STXBP5: variants seen among roughly 807,000 people sequenced by gnomAD.
STXBP5 encodes syntaxin binding protein 5.
A neutral mutation model predicts 152.4 loss-of-function variants in STXBP5; 50 were observed. The observed-to-expected ratio is 0.33, with a 90% CI of 0.26 to 0.42. The LOEUF is 0.42. STXBP5 is among the 10% of genes least tolerant of loss of function. STXBP5 has a pLI of 1.00. For missense variants in STXBP5, 1,167 were observed against 1,388.6 expected, an observed-to-expected ratio of 0.84 and a Z score of 2.54; for synonymous variants, 492 against 494.7, an observed-to-expected ratio of 0.99 and a Z score of 0.07.
intron 19 of STXBP5, among the ~76,000 whole-genome samples, chr6:147,337,209 ACACAC>A (rs1390860921): frequency 6.8e-6 from 1 of 146,934 alleles, no homozygotes; most frequent in Non-Finnish European, 1.5e-5. Context: ...ACACACACAC[ACACAC>A]AAGAAGTCAT....
intron 21 of STXBP5, among the ~76,000 whole-genome samples, chr6:147,347,254 C>G (rs1784381415): frequency 6.6e-6 from 1 of 152,058 alleles, no homozygotes; most frequent in South Asian, 2.1e-4. Context: ...AAGTAGATAT[C>G]AATGAAATAA....
chr6:147,252,829 C>T (rs1445168886), intron 4 of STXBP5, among the ~76,000 whole-genome samples: 3 of 152,122 alleles, frequency 2.0e-5, no homozygotes, highest in Non-Finnish European at 4.4e-5. Context: ...AGCCTACCAA[C>T]CAAAGAAAGC....
intron 4 of STXBP5, among the ~76,000 whole-genome samples, chr6:147,254,885 C>G (rs1353870228): frequency 1.3e-5 from 2 of 152,178 alleles, no homozygotes; most frequent in Non-Finnish European, 2.9e-5. Flanking sequence ...TAAATTAGTT[C>G]AACCATTGTG....
intron 2 of STXBP5, among the ~76,000 whole-genome samples, chr6:147,220,714 C>A (rs969140723): frequency 2.6e-5 from 4 of 152,062 alleles, no homozygotes; most frequent in African/African-American, 9.7e-5. Context: ...GAAAGCATGG[C>A]ATATCTTTCT....
chr6:147,323,552 C>T (rs1346457883), intron 16 of STXBP5, among the ~76,000 whole-genome samples: 3 of 151,936 alleles, frequency 2.0e-5, no homozygotes, highest in Non-Finnish European at 4.4e-5. Context: ...CCACCACACC[C>T]GGGTAATTTT....
intron 18 of STXBP5, among the ~76,000 whole-genome samples, chr6:147,329,646 G>C (rs1162459913): frequency 1.5e-3 from 8 of 5,212 alleles, no homozygotes; most frequent in Admixed American, 0.011. Flanking sequence ...TTTTTTTTGA[G>C]ACGGAGTCTC....
At chr6:147,337,140 T>G (rs75251787) in intron 19 of STXBP5, among the ~76,000 whole-genome samples, 6 of 151,428 alleles carry the variant, frequency 4.0e-5, no homozygotes, top group African/African-American at 1.5e-4. Flanking sequence ...TTTAGTATTA[T>G]TGGAATTTTT....
chr6:147,277,717 T>TA (rs1414477028), intron 7 of STXBP5, among the ~76,000 whole-genome samples: 2 of 152,086 alleles, frequency 1.3e-5, no homozygotes, highest in Non-Finnish European at 2.9e-5. Context: ...TCATTGCAAC[T>TA]AGTTTTTCTA....
chr6:147,289,515 T>C (rs1400182766), intron 8 of STXBP5, among the ~76,000 whole-genome samples: 1 of 152,202 alleles, frequency 6.6e-6, no homozygotes, highest in Non-Finnish European at 1.5e-5. Flanking sequence ...TTTTTTTTAA[T>C]TTGTAGGAAT....
At chr6:147,302,254 C>T (rs1350549872) in intron 9 of STXBP5, among the ~76,000 whole-genome samples, 2 of 152,076 alleles carry the variant, frequency 1.3e-5, no homozygotes, top group African/African-American at 4.8e-5. Context: ...AAACTCCCAA[C>T]ACTGGTATTT....
chr6:147,227,349 A>T (rs186326661), intron 2 of STXBP5, among the ~76,000 whole-genome samples: 1 of 152,280 alleles, frequency 6.6e-6, no homozygotes, highest in East Asian at 1.9e-4. Context: ...GATGAAAAGA[A>T]CATGCCCTAC....
intron 18 of STXBP5, among the ~76,000 whole-genome samples, chr6:147,329,261 A>C (rs1007410510): frequency 3.4e-5 from 5 of 148,400 alleles, no homozygotes; most frequent in African/African-American, 7.3e-5. Flanking sequence ...TATTTATATT[A>C]TTATTTGCTT....
At chr6:147,299,055 A>G (rs528245926) in intron 9 of STXBP5, among the ~76,000 whole-genome samples, 1 of 152,166 alleles carries the variant, frequency 6.6e-6, no homozygotes, top group East Asian at 1.9e-4. Flanking sequence ...TAGAGACTAA[A>G]TAAAAATACC....
At chr6:147,233,824 A>G (rs1324137984) in intron 2 of STXBP5, among the ~76,000 whole-genome samples, 1 of 150,680 alleles carries the variant, frequency 6.6e-6, no homozygotes, top group Non-Finnish European at 1.5e-5. Context: ...TAGCAAAAAT[A>G]CTACTCCTAC....
At chr6:147,280,900 G>A (rs1049742045) in intron 8 of STXBP5, among the ~76,000 whole-genome samples, 2 of 152,260 alleles carry the variant, frequency 1.3e-5, no homozygotes, top group Non-Finnish European at 2.9e-5. Flanking sequence ...TGTAGTGTTA[G>A]CAGTCTAATA....
intron 2 of STXBP5, among the ~76,000 whole-genome samples, chr6:147,215,458 A>G (rs1404920350): frequency 2.6e-5 from 4 of 151,950 alleles, no homozygotes; most frequent in Non-Finnish European, 4.4e-5. Flanking sequence ...TCGGCTCACT[A>G]CAACCTCTGC....
chr6:147,220,780 A>G (rs1278337077), intron 2 of STXBP5, among the ~76,000 whole-genome samples: 1 of 152,130 alleles, frequency 6.6e-6, no homozygotes, highest in Middle Eastern at 3.2e-3. Context: ...AATTTCTTGC[A>G]GACAGCGTAT....
chr6:147,361,435 A>G (rs746836274), intron 23 of STXBP5, among the ~76,000 whole-genome samples: 2 of 152,278 alleles, frequency 1.3e-5, no homozygotes, highest in Non-Finnish European at 2.9e-5. Context: ...TCAATGATGG[A>G]ATCCTTGAGG....
At chr6:147,290,678 T>C (rs958933886) in intron 8 of STXBP5, among the ~76,000 whole-genome samples, 1 of 152,232 alleles carries the variant, frequency 6.6e-6, no homozygotes, top group Non-Finnish European at 1.5e-5. Context: ...ATGATTTTAT[T>C]AGCATAGGGC....
Sources: gnomAD v4.1 joint callset for allele counts (sites outside exome capture counted in the v4.1 genomes callset) on GRCh38, gnomAD v4.1.1 for gene constraint, MANE v1.5 for transcripts, NCBI Gene and HGNC (gene_info 2026-07-23, HGNC 2026-07-21) for gene names.